RSRC2: variants seen among roughly 807,000 people sequenced by gnomAD.
RSRC2 encodes the protein arginine and serine rich coiled-coil 2.
In RSRC2, 5 loss-of-function variants were observed where a neutral mutation model predicts 61.3. The observed-to-expected ratio is 0.08, with a 90% CI of 0.04 to 0.17. The LOEUF (loss-of-function observed/expected upper bound fraction) is 0.17. Among genes scored for constraint, RSRC2 ranks in the 10% least tolerant of loss-of-function variants. The pLI, the probability that RSRC2 is intolerant of heterozygous loss-of-function variation, is 1.00. For synonymous variants in RSRC2, 202 were observed against 166.5 expected, an observed-to-expected ratio of 1.21 and a Z score of -1.64; for missense variants, 381 against 518.8, an observed-to-expected ratio of 0.73 and a Z score of 2.58.
At chr12:122,512,172 T>G (rs1225074952) in intron 6 of RSRC2, among the ~76,000 whole-genome samples, 1 of 152,208 alleles carries the variant, frequency 6.6e-6, no homozygotes, top group Non-Finnish European at 1.5e-5. Flanking sequence ...TTAAATTCAC[T>G]AATGAGTATG....
intron 1 of RSRC2, among the ~76,000 whole-genome samples, chr12:122,524,319 G>T (rs903655623): frequency 1.4e-4 from 21 of 152,016 alleles, no homozygotes; most frequent in African/African-American, 4.8e-4. Flanking sequence ...TGTTTGTACA[G>T]CTTACACTTG....
At chr12:122,516,986 T>G (rs1455267685) in intron 5 of RSRC2, among the ~76,000 whole-genome samples, 2 of 152,210 alleles carry the variant, frequency 1.3e-5, no homozygotes, top group Non-Finnish European at 2.9e-5. Context: ...AGCCAACAAC[T>G]GCATTTTAAT....
chr12:122,521,813 C>T (rs565160898), intron 2 of RSRC2, among the ~76,000 whole-genome samples: 4 of 152,146 alleles, frequency 2.6e-5, no homozygotes, highest in Admixed American at 6.5e-5. Context: ...TGATATGTTC[C>T]AACATGGTGA....
intron 2 of RSRC2, 146 bp from the exon 3 acceptor site, chr12:122,521,574 C>A: frequency 2.9e-6 from 2 of 679,392 alleles, no homozygotes; most frequent in South Asian, 1.7e-5. Flanking sequence ...GATTATTCTA[C>A]ATTAATACAA....
chr12:122,506,067 T>G (rs1958098795), intron 9 of RSRC2, among the ~76,000 whole-genome samples: 1 of 151,784 alleles, frequency 6.6e-6, no homozygotes, highest in Non-Finnish European at 1.5e-5. Context: ...GGATTACAGG[T>G]GTGAACTAGG....
At chr12:122,515,930 A>T (rs1466072380) in intron 5 of RSRC2, among the ~76,000 whole-genome samples, 1 of 152,180 alleles carries the variant, frequency 6.6e-6, no homozygotes, top group African/African-American at 2.4e-5. Flanking sequence ...CAGAGGTTGC[A>T]GTGAGCCAAG....
At chr12:122,521,896 G>A (rs894452421) in intron 2 of RSRC2, among the ~76,000 whole-genome samples, 1 of 152,234 alleles carries the variant, frequency 6.6e-6, no homozygotes, top group Non-Finnish European at 1.5e-5. Flanking sequence ...AGCTACTCAG[G>A]AGGCTGAGGC....
intron 1 of RSRC2, among the ~76,000 whole-genome samples, chr12:122,524,011 T>C (rs1039933912): frequency 6.6e-6 from 1 of 152,216 alleles, no homozygotes. Flanking sequence ...CATGCCAGCA[T>C]ATTGTATATG....
chr12:122,514,539 T>C, intron 6 of RSRC2: 7 of 953,962 alleles, frequency 7.3e-6, no homozygotes, highest in Non-Finnish European at 8.7e-6. Context: ...ATGCCGGGAT[T>C]ACAGGTGTGA....
intron 3 of RSRC2, chr12:122,520,444 A>T: frequency 1.1e-6 from 1 of 949,436 alleles, no homozygotes; most frequent in Non-Finnish European, 1.5e-6. Context: ...AAACATTAAA[A>T]CCCTTAACTG....
At position 122,526,014 on chromosome 12, in the gene RSRC2, G is replaced by C. The variant is rs1960283283; in HGVS notation, c.6+834C>G. ...TTTTTTTGTATTTTTAGTAGAGACA[G>C]GGTTTCACCGTTTTAGCCGGGATGG... On this transcript the variant is annotated intron_variant, in intron 1 of 9. Transcript: ENST00000331738. Among the ~76,000 whole-genome samples, 2 of 22,330 alleles carry C rather than the reference G, an allele frequency of 9.0e-5. 1 individual carries two copies. The highest frequency in any genetic ancestry group is 4.7e-3 in the East Asian group (2 of 422). The allele number at this position is 22,330 out of a possible 152,430, so 14.6% of individuals were successfully genotyped here.
chr12:122,526,654 G>A (rs1054358118), intron 1 of RSRC2, among the ~76,000 whole-genome samples, 194 bp downstream of exon 1: 2 of 152,060 alleles, frequency 1.3e-5, no homozygotes, highest in Admixed American at 6.5e-5. Flanking sequence ...ACTCCCTGCG[G>A]CTCCCCACCC....
intron 8 of RSRC2, among the ~76,000 whole-genome samples, chr12:122,507,641 C>T (rs961024416): frequency 1.3e-5 from 2 of 151,622 alleles, no homozygotes; most frequent in African/African-American, 4.8e-5. Flanking sequence ...GTATTAATAA[C>T]TGGCAAATAA....
chr12:122,522,244 T>A lies in RSRC2; in HGVS notation c.62A>T (p.Asp21Val). The change falls in exon 2 of 10, where the codon GAT becomes GTT. Residue 21 changes from aspartate (D) to valine (V), a missense_variant. Physicochemically the swap from Asp to Val is radical, Grantham distance 152 (BLOSUM62 -3). Transcript: ENST00000331738. ...TACTTCTGACTGCTCTTTTTTCTTA[T>A]CTCTATCTGGTGATGTCTTTTCTGG... ...LAPEKTSPDR[D>V]KKKEQSEVSV... The A allele has an allele frequency of 2.5e-6, 4 of 1,614,042 alleles. No homozygotes were observed. Among genetic ancestry groups the A allele is most frequent in the Non-Finnish European group, 3.4e-6 (4 of 1,179,952 alleles).
intron 2 of RSRC2, 119 bp from the exon 3 acceptor site, chr12:122,521,547 T>C (rs961035555): frequency 2.5e-6 from 2 of 794,322 alleles, no homozygotes; most frequent in African/African-American, 1.7e-5. Flanking sequence ...TGACTAATTT[T>C]TTCATGGCAC....
intron 5 of RSRC2, among the ~76,000 whole-genome samples, chr12:122,515,881 C>A (rs1297238629): frequency 6.6e-6 from 1 of 151,978 alleles, no homozygotes; most frequent in African/African-American, 2.4e-5. Context: ...CCCAGCTACT[C>A]GGGAGGCTGA....
At chr12:122,515,644 T>C (rs957436033) in intron 5 of RSRC2, among the ~76,000 whole-genome samples, 3 of 152,232 alleles carry the variant, frequency 2.0e-5, no homozygotes, top group Admixed American at 6.5e-5. Context: ...CATATTTTCA[T>C]CTACAGTGAA....
chr12:122,504,719 A>G lies in RSRC2; in HGVS notation c.*808T>C, dbSNP rs1958016018. ...AAGGGATAATGAGCAAAAAGCATGC[A>G]AAGAACTTGTTATAAGGCACTTTAT... is the stretch of plus-strand genomic sequence containing the variant. On this transcript the variant is annotated 3_prime_UTR_variant, in exon 10 of 10. Coordinates refer to ENST00000331738, the MANE Select transcript of RSRC2 (RefSeq NM_023012.6). 1.3e-5 allele frequency: 2 copies of G among 152,668 alleles called. No individual in the cohort carries two copies. The highest frequency in any genetic ancestry group is 2.4e-5 in the African/African-American group (1 of 41,466). The allele number at this position is 152,668 out of a possible 1,614,324, so 9.5% of individuals were successfully genotyped here.
rs1958479013 is a variant in RSRC2, at chr12:122,511,158, C to T, written c.756G>A (p.Gln252=). The change falls in exon 7 of 10, where the codon CAG becomes CAA. Residue 252 remains glutamine, a synonymous_variant. Transcript: ENST00000331738. ...GTTTTTCAACCATTTCCTTTTCTCG[C>T]TGTTCTTGTAATTTCTTTGCCCTTT... ...RLERAKKLQE[Q]REKEMVEKQK... is the part of the protein sequence containing the mutation. The T allele has an allele frequency of 1.2e-6, 2 of 1,608,456 alleles. No homozygotes were observed. The highest frequency in any genetic ancestry group is 1.3e-5 in the African/African-American group (1 of 74,846).
Sources: gnomAD v4.1 joint callset for allele counts (sites outside exome capture counted in the v4.1 genomes callset) on GRCh38, gnomAD v4.1.1 for gene constraint, MANE v1.5 for transcripts, NCBI Gene and HGNC (gene_info 2026-07-23, HGNC 2026-07-21) for gene names.